UBE2E3: variants seen among roughly 807,000 people sequenced by gnomAD.
UBE2E3 encodes ubiquitin-conjugating enzyme E2 E3.
A neutral mutation model predicts 23.6 loss-of-function variants in UBE2E3; 5 were observed. The ratio of observed to expected loss-of-function variants is 0.21; its 90% confidence interval spans 0.11 to 0.44. The LOEUF is 0.44. Ranked by LOEUF, UBE2E3 falls within the 20% of genes least tolerant of loss-of-function variation. The pLI, the probability that UBE2E3 is intolerant of heterozygous loss-of-function variation, is 0.99. For synonymous variants in UBE2E3, 78 were observed against 87.5 expected (o/e 0.89, Z 0.60); for missense variants, 81 against 249.8 (o/e 0.32, Z 4.55).
At chr2:181,021,034 T>C (rs1006918744) in intron 3 of UBE2E3, among the ~76,000 whole-genome samples, 7 of 152,366 alleles carry the variant, frequency 4.6e-5, no homozygotes, top group African/African-American at 1.7e-4. Context: ...TTACATACTT[T>C]GTCAATCATT....
At chr2:181,052,724 A>G (rs939294212) in intron 3 of UBE2E3, among the ~76,000 whole-genome samples, 1 of 150,572 alleles carries the variant, frequency 6.6e-6, no homozygotes, top group Non-Finnish European at 1.5e-5. Flanking sequence ...GTTTCTAATC[A>G]TATCAAGACC....
intron 3 of UBE2E3, among the ~76,000 whole-genome samples, chr2:180,999,554 C>T (rs976002203): frequency 4.6e-5 from 7 of 152,054 alleles, no homozygotes; most frequent in South Asian, 2.1e-4. Context: ...TTCCCAGCGG[C>T]GTATGAGGGT....
intron 3 of UBE2E3, among the ~76,000 whole-genome samples, chr2:180,988,460 T>A (rs928135246): frequency 6.6e-6 from 1 of 152,200 alleles, no homozygotes; most frequent in African/African-American, 2.4e-5. Context: ...TAATGATATT[T>A]AATTCAATAG....
At chr2:181,006,869 ATAC>A (rs1685164998) in intron 3 of UBE2E3, among the ~76,000 whole-genome samples, 1 of 152,216 alleles carries the variant, frequency 6.6e-6, no homozygotes, top group Admixed American at 6.5e-5. Context: ...TTAAAGTAAG[ATAC>A]TACTAAAATT....
chr2:181,056,450 A>T (rs1686991353), intron 3 of UBE2E3, among the ~76,000 whole-genome samples: 2 of 151,778 alleles, frequency 1.3e-5, no homozygotes. Context: ...CACAGTGGAA[A>T]GGCAGGCATC....
chr2:181,033,071 G>A (rs1429441706), intron 3 of UBE2E3, among the ~76,000 whole-genome samples: 1 of 151,996 alleles, frequency 6.6e-6, no homozygotes, highest in African/African-American at 2.4e-5. Flanking sequence ...TCATGGATAG[G>A]AAGAATCAAT....
chr2:181,001,263 G>C (rs939420151), intron 3 of UBE2E3, among the ~76,000 whole-genome samples: 1 of 152,194 alleles, frequency 6.6e-6, no homozygotes, highest in Non-Finnish European at 1.5e-5. Context: ...GAAATGAAAT[G>C]AGGTAAAATA....
At chr2:180,997,508 T>C (rs968711562) in intron 3 of UBE2E3, among the ~76,000 whole-genome samples, 1 of 152,106 alleles carries the variant, frequency 6.6e-6, no homozygotes, top group Non-Finnish European at 1.5e-5. Context: ...GTATGTGATA[T>C]ATATTCTTTT....
intron 3 of UBE2E3, among the ~76,000 whole-genome samples, chr2:181,029,941 A>AT (rs1232817336): frequency 6.7e-6 from 1 of 148,422 alleles, no homozygotes; most frequent in Non-Finnish European, 1.5e-5. Flanking sequence ...GGTTCAAGTG[A>AT]TTCCCCTTCC....
At chr2:181,028,263 G>GTA (rs1388468551) in intron 3 of UBE2E3, among the ~76,000 whole-genome samples, 4 of 151,940 alleles carry the variant, frequency 2.6e-5, no homozygotes, top group African/African-American at 4.8e-5. Flanking sequence ...ATTTCATGCT[G>GTA]TATACGATTT....
intron 3 of UBE2E3, among the ~76,000 whole-genome samples, chr2:181,014,117 A>G (rs1179912146): frequency 1.3e-5 from 2 of 152,198 alleles, no homozygotes; most frequent in African/African-American, 2.4e-5. Context: ...GATGATGCCC[A>G]TGTTTCTGAC....
chr2:180,984,952 G>A (rs978524556), intron 3 of UBE2E3, among the ~76,000 whole-genome samples: 1 of 152,036 alleles, frequency 6.6e-6, no homozygotes, highest in Admixed American at 6.6e-5. Context: ...TAATGCGAGT[G>A]GCTGCAAGGA....
In UBE2E3 at chr2:180,982,046, T is replaced by A; in HGVS notation, c.4T>A (p.Ser2Thr). M[S>T]SDRQRSDDES... The stretch of plus-strand genomic sequence containing the variant: ...TCCAAGAGATAACTTCACCAAGATG[T>A]CCAGTGATAGGCAAAGGTCCGATGA... Residue 2 changes from serine to threonine, a missense_variant, in exon 2 of 6, where the codon TCC becomes ACC. Ser to Thr is a moderately conservative substitution (Grantham distance 58). Transcript: ENST00000410062. 6.2e-7 allele frequency: 1 copy of A among 1,601,914 alleles called. No homozygotes were observed. Among genetic ancestry groups the A allele is most frequent in the Non-Finnish European group, 8.5e-7 (1 of 1,176,184 alleles).
At chr2:181,033,062 C>G (rs771245329) in intron 3 of UBE2E3, among the ~76,000 whole-genome samples, 1 of 152,174 alleles carries the variant, frequency 6.6e-6, no homozygotes, top group African/African-American at 2.4e-5. Flanking sequence ...ATTCCATGCT[C>G]ATGGATAGGA....
At chr2:181,010,524 T>C (rs1373131537) in intron 3 of UBE2E3, among the ~76,000 whole-genome samples, 1 of 152,214 alleles carries the variant, frequency 6.6e-6, no homozygotes, top group Non-Finnish European at 1.5e-5. Context: ...TGCATATTTA[T>C]AGATTCTGCC....
Position 181,013,764 on chromosome 2 carries a change from A to G in UBE2E3, c.245+29671A>G, listed in dbSNP as rs1197130187. Among the ~76,000 whole-genome samples the G allele has an allele frequency of 2.6e-5, 4 of 152,324 alleles. No homozygotes were observed. The East Asian group carries it at 7.7e-4, about 29-fold the overall frequency. ...GACCTAGGCTTGGAATTCATACAGCATCACTTCTGCTGCTTTTGTTGGAGG... is the reference window on the plus strand; with the variant it reads ...GACCTAGGCTTGGAATTCATACAGCGTCACTTCTGCTGCTTTTGTTGGAGG... On this transcript the variant is annotated intron_variant, in intron 3 of 5. Coordinates refer to ENST00000410062, the MANE Select transcript of UBE2E3 (RefSeq NM_006357.4).
chr2:181,039,970 T>C (rs536987618), intron 3 of UBE2E3, among the ~76,000 whole-genome samples: 20 of 152,336 alleles, frequency 1.3e-4, no homozygotes, highest in African/African-American at 3.4e-4. Flanking sequence ...TTAGTTTTTT[T>C]CTGCATATTT....
intron 3 of UBE2E3, among the ~76,000 whole-genome samples, chr2:180,996,433 C>G (rs1269343844): frequency 6.6e-6 from 1 of 152,150 alleles, no homozygotes; most frequent in African/African-American, 2.4e-5. Flanking sequence ...TTATCAGAAT[C>G]AAATTAATTT....
intron 3 of UBE2E3, among the ~76,000 whole-genome samples, chr2:181,000,639 C>T (rs1035001140): frequency 6.6e-6 from 1 of 151,002 alleles, no homozygotes; most frequent in East Asian, 1.9e-4. Flanking sequence ...ACTGCAAGCT[C>T]TGTCTCCCGG....
Sources: allele counts gnomAD v4.1 joint callset (sites outside exome capture counted in the v4.1 genomes callset), GRCh38; gene constraint gnomAD v4.1.1; transcripts MANE v1.5; gene names NCBI Gene and HGNC (gene_info 2026-07-23, HGNC 2026-07-21).